The following GANC variants were observed in gnomAD, a reference collection of about 807,000 sequenced individuals.
The protein encoded by GANC is glucosidase alpha, neutral C, also known as neutral alpha-glucosidase C.
In GANC, 117 loss-of-function variants were observed where a neutral mutation model predicts 124.2. That is an observed-to-expected ratio of 0.94 (90% confidence interval 0.81 to 1.10). GANC has a LOEUF of 1.10. Among genes scored for constraint, GANC ranks in the 50% least tolerant of loss-of-function variants. The pLI is 0.00. For synonymous variants in GANC, 377 were observed against 376.8 expected, an observed-to-expected ratio of 1.00 and a Z score of -0.01; for missense variants, 1,140 against 1,095.0, an observed-to-expected ratio of 1.04 and a Z score of -0.58.
intron 15 of GANC, among the ~76,000 whole-genome samples, chr15:42,337,815 A>C (rs1016100732): frequency 1.3e-5 from 2 of 152,222 alleles, no homozygotes; most frequent in Non-Finnish European, 2.9e-5. Flanking sequence ...TAATTTCAGC[A>C]CTTTGGGAAG....
In GANC at chr15:42,352,943, TGTAAG is replaced by T; in HGVS notation, c.*806_*810del. ...GGAGACCCTGGCCTTGGGCACAAAA[TGTAAG>T]GGATGCCAAAAAAATACAGTAATCA... On this transcript the variant is annotated 3_prime_UTR_variant, in exon 24 of 24. Transcript: ENST00000318010. 5.7e-6 allele frequency: 3 copies of T among 528,044 alleles called. No individual in the cohort carries two copies. The highest frequency in any genetic ancestry group is 7.3e-6 in the Non-Finnish European group (3 of 413,086). 32.7% of individuals were successfully genotyped at this position (528,044 alleles called of 1,614,324 possible).
Position 42,274,086 on chromosome 15 carries a change from A to G in GANC, c.-396A>G, listed in dbSNP as rs748091652. ...TGTGGCGTGACCCCGCCACTGAGAT[A>G]GATCTGCAGATGCTTCGTCCCAGTC... On this transcript the variant is annotated 5_prime_UTR_variant, in exon 1 of 24. In the 5' UTR this introduces an upstream ATG that the reference lacks. Transcript: ENST00000318010. 4.1e-6 allele frequency: 1 copy of G among 246,632 alleles called. No homozygotes were observed. Among genetic ancestry groups the G allele is most frequent in the Non-Finnish European group, 7.9e-6 (1 of 126,006 alleles). 15.3% of individuals were successfully genotyped at this position (246,632 alleles called of 1,614,324 possible). A position where few individuals can be genotyped will look rare whatever the true frequency, so the allele number is the denominator to read the frequency against.
chr15:42,281,245 T>A, intron 3 of GANC: 1 of 631,474 alleles, frequency 1.6e-6, no homozygotes, highest in Non-Finnish European at 2.8e-6. Context: ...GAACTCCATT[T>A]TAATGTCCTC....
At chr15:42,275,306 G>A (rs4924648) in intron 1 of GANC, among the ~76,000 whole-genome samples, 109,549 of 152,054 alleles carry the variant, frequency 0.72, 42,270 homozygotes, top group Non-Finnish European at 0.86. Context: ...CCCAGGAGGC[G>A]GCAGTTGCAG....
intron 3 of GANC, 127 bp downstream of exon 3, chr15:42,278,717 T>G: frequency 1.6e-6 from 1 of 631,296 alleles, no homozygotes. Flanking sequence ...AGCCTTTTAG[T>G]GATTAGTGGC....
In GANC at chr15:42,310,756, C is replaced by T; in HGVS notation, c.967C>T (p.His323Tyr). ...AAAGGTCAGATCTCGCACTCATGTG[C>T]ACTGGATGTCAGAGAGTGGCATCAT... ...KQKVRSRTHV[H>Y]WMSESGIIDV... Residue 323 changes from histidine to tyrosine, a missense_variant, in exon 10 of 24, where the codon CAC (histidine) becomes TAC (tyrosine). His to Tyr is a moderately conservative substitution (Grantham distance 83). Transcript: ENST00000318010. The T allele has an allele frequency of 6.2e-7, 1 of 1,614,174 alleles. No homozygotes were observed. Among genetic ancestry groups the T allele is most frequent in the Non-Finnish European group, 8.5e-7 (1 of 1,180,004 alleles).
intron 3 of GANC, chr15:42,280,953 G>A: frequency 1.4e-6 from 1 of 702,510 alleles, no homozygotes; most frequent in Non-Finnish European, 2.6e-6. Flanking sequence ...AACTCTGGAT[G>A]CCTTCAAAGG....
intron 2 of GANC, among the ~76,000 whole-genome samples, chr15:42,277,257 G>A (rs150749952): frequency 0.011 from 1,644 of 152,212 alleles, 31 homozygotes; most frequent in African/African-American, 0.038. Flanking sequence ...CTGGCTGGGC[G>A]AGGTGGCTCA....
rs1255213223 is a variant in GANC, at chr15:42,326,355, A to C, written c.1351A>C (p.Lys451Gln). 1 of 1,614,144 alleles carries C rather than the reference A, an allele frequency of 6.2e-7. No individual in the cohort carries two copies. Among genetic ancestry groups the C allele is most frequent in the Non-Finnish European group, 8.5e-7 (1 of 1,180,000 alleles). ...TGATCCTGACTACTCAGTATATGTG[A>C]AGGCCAAAGATCAGGGCTTCTTTGT... ...KIDPDYSVYV[K>Q]AKDQGFFVKN... Residue 451 changes from lysine (K) to glutamine (Q), a missense_variant, in exon 12 of 24, where the codon AAG becomes CAG. Physicochemically the swap from Lys to Gln is moderately conservative, Grantham distance 53. Coordinates refer to ENST00000318010, the MANE Select transcript of GANC (RefSeq NM_198141.3).
chr15:42,318,053 G>A (rs547621235), intron 10 of GANC, among the ~76,000 whole-genome samples: 1 of 152,286 alleles, frequency 6.6e-6, no homozygotes, highest in Admixed American at 6.5e-5. Flanking sequence ...AAGGGTGTCT[G>A]TTACTTTATC....
At chr15:42,341,719 T>C (rs2052330553) in intron 18 of GANC, among the ~76,000 whole-genome samples, 1 of 152,136 alleles carries the variant, frequency 6.6e-6, no homozygotes, top group Admixed American at 6.5e-5. Context: ...TGTGCCACTA[T>C]GCCTGGCTAA....
chr15:42,309,565 G>T (rs1256991090), intron 8 of GANC, among the ~76,000 whole-genome samples: 1 of 151,912 alleles, frequency 6.6e-6, no homozygotes, highest in African/African-American at 2.4e-5. Flanking sequence ...TGATCCACCT[G>T]CTTCGGCCTC....
At position 42,322,034 on chromosome 15, in the gene GANC, A is replaced by G; in HGVS notation, c.1293+14A>G. 4.4e-6 allele frequency: 7 copies of G among 1,584,428 alleles called. No individual in the cohort carries two copies. The highest frequency in any genetic ancestry group is 6.0e-6 in the Non-Finnish European group (7 of 1,162,904). ...AAAAAGCGTAAGGTAAAATAAGCCA[A>G]CATTTCTGAACCTTTTAATTACAGA... On this transcript the variant is annotated intron_variant, in intron 11 of 23. Coordinates refer to ENST00000318010, the MANE Select transcript of GANC (RefSeq NM_198141.3).
In GANC at chr15:42,273,233, C is replaced by A. The variant is rs753354375; in HGVS notation, c.-1249C>A. 6 of 1,613,746 alleles carry A rather than the reference C, an allele frequency of 3.7e-6. No homozygotes were observed. Among genetic ancestry groups the A allele is most frequent in the East Asian group, 2.2e-5 (1 of 44,872 alleles). On this transcript the variant is annotated 5_prime_UTR_variant, in exon 1 of 24. Transcript: ENST00000318010. ...CACCCCTTGCTCCTCTAGGTTCAGA[C>A]GTTAGTGAAGTGAATACTCACCGAC...
chr15:42,350,401 C>G (rs936229970), intron 22 of GANC, among the ~76,000 whole-genome samples: 1 of 151,998 alleles, frequency 6.6e-6, no homozygotes, highest in Non-Finnish European at 1.5e-5. Flanking sequence ...ATCCATTCAC[C>G]AGCTCACTAA....
chr15:42,275,207 T>C (rs2051653496), intron 1 of GANC, among the ~76,000 whole-genome samples: 1 of 152,006 alleles, frequency 6.6e-6, no homozygotes, highest in Non-Finnish European at 1.5e-5. Context: ...AATCCCTGTC[T>C]CTACAAAAAT....
Position 42,338,460 on chromosome 15 carries a change from C to G in GANC, c.1813C>G (p.Leu605Val), listed in dbSNP as rs749435380. ...LKISIPMLLT[L>V]SITGISFCGA... ...AATTTCTATCCCAATGTTACTCACT[C>G]TCAGCATTACTGGGATCTCTTTTTG... Residue 605 changes from leucine (L) to valine (V), a missense_variant, in exon 16 of 24, where the codon CTC becomes GTC. Leu to Val is a conservative substitution (Grantham distance 32). Coordinates refer to ENST00000318010, the MANE Select transcript of GANC (RefSeq NM_198141.3). 4 of 1,613,706 alleles carry G rather than the reference C, an allele frequency of 2.5e-6. No individual in the cohort carries two copies. Among genetic ancestry groups the G allele is most frequent in the Admixed American group, 3.3e-5 (2 of 59,988 alleles).
chr15:42,335,753 A>AAC (rs2052278702), intron 15 of GANC, among the ~76,000 whole-genome samples: 2 of 152,208 alleles, frequency 1.3e-5, no homozygotes, highest in Non-Finnish European at 2.9e-5. Context: ...TAAGCTAATA[A>AAC]ACAACTTCAG....
At chr15:42,297,748 G>C (rs1051860430) in intron 6 of GANC, 92 bp downstream of exon 6, 7 of 894,064 alleles carry the variant, frequency 7.8e-6, no homozygotes, top group African/African-American at 1.7e-5. Flanking sequence ...TTCTACAGAA[G>C]GGTGCTTGTT....
Sources: gnomAD v4.1 joint callset for allele counts (sites outside exome capture counted in the v4.1 genomes callset) on GRCh38, gnomAD v4.1.1 for gene constraint, MANE v1.5 for transcripts, NCBI Gene and HGNC (gene_info 2026-07-23, HGNC 2026-07-21) for gene names.